Variants in MGAT4C observed in about 807,000 individuals in gnomAD.
The protein encoded by MGAT4C is alpha-1,3-mannosyl-glycoprotein 4-beta-N-acetylglucosaminyltransferase C.
MGAT4C carries 19 observed loss-of-function variants against 40.1 expected under a neutral mutation model. That is an observed-to-expected ratio of 0.47 (90% CI 0.33 to 0.70). MGAT4C has a LOEUF of 0.70. MGAT4C is among the 30% of genes least tolerant of loss of function. The pLI is 0.02. For synonymous variants in MGAT4C, 181 were observed against 187.1 expected, an observed-to-expected ratio of 0.97 and a Z score of 0.27; for missense variants, 491 against 563.2, an observed-to-expected ratio of 0.87 and a Z score of 1.30.
At position 86,493,249 on chromosome 12, in the gene MGAT4C, G is replaced by T. The variant is rs572920748; in HGVS notation, c.-228-57984C>A. On this transcript the variant is annotated intron_variant, in intron 2 of 7. Coordinates refer to the MGAT4C transcript ENST00000548651. ...TGGAAGTCAGTGTGGCGATTCCTCA[G>T]GGATCTAGAACTAGAAATACCATTT... Among the ~76,000 whole-genome samples the T allele has an allele frequency of 3.3e-3, 487 of 148,432 alleles. 12 individuals carry two copies. Among genetic ancestry groups the T allele is most frequent in the African/African-American group, 0.012 (470 of 37,926 alleles).
upstream of MGAT4C, among the ~76,000 whole-genome samples, chr12:86,259,479 T>A (rs1174168176): frequency 6.6e-6 from 1 of 151,886 alleles, no homozygotes; most frequent in Admixed American, 6.6e-5. Flanking sequence ...TTTAAGAAAC[T>A]ACAAGAAAAA....
rs569679670 is a variant in MGAT4C, at chr12:86,353,032, A to AAAATAAATAAAT, written c.-119-18917_-119-18906dup. Among the ~76,000 whole-genome samples, 5 of 147,374 alleles carry AAAATAAATAAAT rather than the reference A, an allele frequency of 3.4e-5. No individual in the cohort carries two copies. In the South Asian group the frequency reaches 1.1e-3, roughly 31 times the overall value. On this transcript the variant is annotated intron_variant, in intron 3 of 7. Transcript: ENST00000548651. Reference sequence around the variant, plus strand: ...TAAAGTATAATAATAATAAAATAAAAAAATAAATAAATAAATAAATAAAAT... The same window carrying AAAATAAATAAAT: ...TAAAGTATAATAATAATAAAATAAAAAAATAAATAAATAAATAAATAAATAAATAAATAAAAT...
chr12:86,644,569 C>A (rs1004609225), intron 2 of MGAT4C, among the ~76,000 whole-genome samples: 1 of 151,612 alleles, frequency 6.6e-6, no homozygotes, highest in African/African-American at 2.4e-5. Context: ...TACCCTGTAA[C>A]CTAGCAATTC....
At chr12:86,708,353 A>T (rs958779251) in intron 2 of MGAT4C, among the ~76,000 whole-genome samples, 1 of 152,242 alleles carries the variant, frequency 6.6e-6, no homozygotes, top group African/African-American at 2.4e-5. Context: ...CTTAGATTTC[A>T]GAAGATTTAT....
chr12:86,349,642 C>T (rs1044063909), intron 3 of MGAT4C, among the ~76,000 whole-genome samples: 1 of 152,136 alleles, frequency 6.6e-6, no homozygotes, highest in Non-Finnish European at 1.5e-5. Context: ...AGAAAGTACA[C>T]TTGGCCACTG....
At position 86,552,921 on chromosome 12, in the gene MGAT4C, T is replaced by A. The variant is rs552468947; in HGVS notation, c.-228-117656A>T. ...CATTATTTTTTAATTTGTTATTACTTGTAATGGCAAAACCACAATTACTTT... is the reference window on the plus strand; with the variant it reads ...CATTATTTTTTAATTTGTTATTACTAGTAATGGCAAAACCACAATTACTTT... On this transcript the variant is annotated intron_variant, in intron 2 of 7. Transcript: ENST00000548651. 1.6e-4 allele frequency among the ~76,000 whole-genome samples: 24 copies of A among 152,202 alleles called. No homozygotes were observed. In the East Asian group the frequency reaches 4.2e-3, roughly 27 times the overall value.
At position 85,970,659 on chromosome 12, in the gene MGAT4C, G is replaced by A. The variant is rs1433565880; in HGVS notation, c.*8630C>T. 6.8e-6 allele frequency: 1 copy of A among 147,832 alleles called. No individual in the cohort carries two copies. The highest frequency in any genetic ancestry group is 1.5e-5 in the Non-Finnish European group (1 of 65,138). 9.2% of individuals were successfully genotyped at this position (147,832 alleles called of 1,614,324 possible). Reference sequence around the variant, plus strand: ...ACTAATTGAATTTAGTGATTAGACTGTGATTAGACTATTACAAATTCACAG... The same window carrying A: ...ACTAATTGAATTTAGTGATTAGACTATGATTAGACTATTACAAATTCACAG... On this transcript the variant is annotated 3_prime_UTR_variant, in exon 5 of 5. Transcript: ENST00000611864.
intron 1 of MGAT4C, among the ~76,000 whole-genome samples, chr12:86,242,653 G>C (rs1393390927): frequency 2.0e-5 from 3 of 152,066 alleles, no homozygotes; most frequent in African/African-American, 7.2e-5. Flanking sequence ...AAAAAATAGG[G>C]TCTTTAAAGG....
chr12:86,433,841 A>C (rs1957090361), intron 3 of MGAT4C, among the ~76,000 whole-genome samples: 1 of 152,026 alleles, frequency 6.6e-6, no homozygotes, highest in Admixed American at 6.6e-5. Flanking sequence ...ATTTGTCCTT[A>C]GCCAGACCTT....
chr12:86,047,651 C>A (rs1892523962), intron 2 of MGAT4C, among the ~76,000 whole-genome samples: 1 of 152,016 alleles, frequency 6.6e-6, no homozygotes, highest in Non-Finnish European at 1.5e-5. Context: ...AAGAAACAAA[C>A]CTCATGGCGA....
chr12:86,823,736 G>A (rs1952748730), intron 1 of MGAT4C, among the ~76,000 whole-genome samples: 1 of 150,966 alleles, frequency 6.6e-6, no homozygotes, highest in Non-Finnish European at 1.5e-5. Context: ...AAGAAACACA[G>A]AAAATAAAAT....
intron 2 of MGAT4C, among the ~76,000 whole-genome samples, chr12:86,446,694 T>TAC (rs1957346006): frequency 7.6e-6 from 1 of 130,940 alleles, no homozygotes; most frequent in African/African-American, 2.9e-5. Flanking sequence ...TATATATATA[T>TAC]ATATATATAT....
intron 1 of MGAT4C, among the ~76,000 whole-genome samples, chr12:86,102,840 C>A (rs943048201): frequency 1.3e-5 from 2 of 151,952 alleles, no homozygotes; most frequent in African/African-American, 4.8e-5. Context: ...TTTTTATAGT[C>A]TTAATTTTTT....
At chr12:86,824,757 G>T (rs1357722026) in intron 1 of MGAT4C, among the ~76,000 whole-genome samples, 1 of 144,284 alleles carries the variant, frequency 6.9e-6, no homozygotes, top group Non-Finnish European at 1.5e-5. Flanking sequence ...AAAAAAAAGA[G>T]AGAGAGAGAG....
intron 3 of MGAT4C, among the ~76,000 whole-genome samples, chr12:86,336,344 T>C (rs901334256): frequency 7.9e-5 from 12 of 152,190 alleles, no homozygotes; most frequent in Admixed American, 6.6e-5. Flanking sequence ...TTGTAATAAA[T>C]GCCAAATACA....
At chr12:86,378,275 C>A (rs1259190088) in intron 3 of MGAT4C, among the ~76,000 whole-genome samples, 1 of 151,934 alleles carries the variant, frequency 6.6e-6, no homozygotes. Flanking sequence ...TTTTGAGGAA[C>A]TACTAAAGGA....
chr12:86,504,693 T>G (rs1347314691), intron 2 of MGAT4C, among the ~76,000 whole-genome samples: 1 of 152,156 alleles, frequency 6.6e-6, no homozygotes, highest in Non-Finnish European at 1.5e-5. Flanking sequence ...AACAATCTTT[T>G]TTTTTATTTT....
intron 2 of MGAT4C, among the ~76,000 whole-genome samples, chr12:86,566,254 G>C (rs1230474401): frequency 2.0e-5 from 3 of 151,766 alleles, no homozygotes; most frequent in Non-Finnish European, 4.4e-5. Flanking sequence ...CAGTGGGCTG[G>C]GAAAGGGAGA....
intron 1 of MGAT4C, among the ~76,000 whole-genome samples, chr12:86,088,089 C>G (rs1335494394): frequency 2.0e-5 from 3 of 151,982 alleles, no homozygotes; most frequent in Non-Finnish European, 2.9e-5. Context: ...CTACAAACAT[C>G]TGTACTTCAA....
Sources: allele counts gnomAD v4.1 joint callset (sites outside exome capture counted in the v4.1 genomes callset), GRCh38; gene constraint gnomAD v4.1.1; transcripts MANE v1.5; gene names NCBI Gene and HGNC (gene_info 2026-07-23, HGNC 2026-07-21).